The following PRKG1 variants were observed in gnomAD, a reference collection of about 807,000 sequenced individuals.
PRKG1 encodes protein kinase cGMP-dependent 1, also known as cGMP-dependent protein kinase 1.
In PRKG1, 35 loss-of-function variants were observed where a neutral mutation model predicts 88.1. The ratio of observed to expected loss-of-function variants is 0.40; its 90% CI spans 0.30 to 0.53. The LOEUF is 0.53. PRKG1 is among the 20% of genes least tolerant of loss of function. The pLI is 0.59. For synonymous variants in PRKG1, 303 were observed against 292.5 expected, an observed-to-expected ratio of 1.04 and a Z score of -0.37; for missense variants, 540 against 839.8, an observed-to-expected ratio of 0.64 and a Z score of 4.41.
chr10:52,004,249 A>G (rs1844673576), intron 5 of PRKG1, among the ~76,000 whole-genome samples: 1 of 152,148 alleles, frequency 6.6e-6, no homozygotes, highest in African/African-American at 2.4e-5. Flanking sequence ...TTTGTTTTTA[A>G]TTATATTTTC....
At chr10:52,289,701 A>C (rs1348781620) in intron 16 of PRKG1, among the ~76,000 whole-genome samples, 2 of 152,182 alleles carry the variant, frequency 1.3e-5, no homozygotes, top group African/African-American at 2.4e-5. Context: ...TTTCACAGAA[A>C]AACTGTACAC....
intron 3 of PRKG1, among the ~76,000 whole-genome samples, chr10:51,693,404 T>A (rs1841197089): frequency 7.1e-6 from 1 of 140,464 alleles, no homozygotes; most frequent in South Asian, 2.4e-4. Context: ...CACTTATTTT[T>A]AAATTCATTT....
At chr10:51,811,681 G>T (rs1301583273) in intron 4 of PRKG1, among the ~76,000 whole-genome samples, 1 of 152,098 alleles carries the variant, frequency 6.6e-6, no homozygotes, top group Admixed American at 6.6e-5. Flanking sequence ...AAATCTTCAA[G>T]GTAAAATTCC....
At chr10:51,544,594 T>A (rs1842399704) in intron 3 of PRKG1, among the ~76,000 whole-genome samples, 1 of 152,098 alleles carries the variant, frequency 6.6e-6, no homozygotes, top group South Asian at 2.1e-4. Context: ...CTGGGTCAAA[T>A]GGTATTTCTA....
chr10:51,624,378 GTTTAT>G (rs1166839199), intron 3 of PRKG1, among the ~76,000 whole-genome samples: 1 of 152,162 alleles, frequency 6.6e-6, no homozygotes, highest in Non-Finnish European at 1.5e-5. Flanking sequence ...AGATGCTTCT[GTTTAT>G]TTGGGGGCTT....
intron 3 of PRKG1, among the ~76,000 whole-genome samples, chr10:51,577,728 G>A (rs1052469603): frequency 2.0e-5 from 3 of 151,982 alleles, no homozygotes; most frequent in African/African-American, 7.2e-5. Flanking sequence ...CTGATGTCTT[G>A]GAGTTTTGTT....
intron 3 of PRKG1, among the ~76,000 whole-genome samples, chr10:51,555,960 C>T (rs1837299257): frequency 6.6e-6 from 1 of 151,446 alleles, no homozygotes; most frequent in Non-Finnish European, 1.5e-5. Context: ...CCCATTTTCT[C>T]AAGCAGGAAG....
chr10:51,554,248 T>TAA (rs1837244386), intron 3 of PRKG1, among the ~76,000 whole-genome samples: 2 of 147,364 alleles, frequency 1.4e-5, no homozygotes, highest in Non-Finnish European at 3.0e-5. Context: ...TGTATATATA[T>TAA]TATACATATA....
intron 10 of PRKG1, among the ~76,000 whole-genome samples, chr10:52,270,174 A>G (rs1490916613): frequency 6.6e-6 from 1 of 152,162 alleles, no homozygotes; most frequent in Non-Finnish European, 1.5e-5. Flanking sequence ...CAGTCTCAGC[A>G]GAGACTAGGG....
intron 4 of PRKG1, among the ~76,000 whole-genome samples, chr10:51,859,428 C>A (rs1233134924): frequency 2.7e-5 from 4 of 150,290 alleles, no homozygotes. Context: ...CTATTAAATG[C>A]CCCCTTTATG....
chr10:52,147,965 G>A (rs1837779104), intron 8 of PRKG1, among the ~76,000 whole-genome samples: 1 of 152,172 alleles, frequency 6.6e-6, no homozygotes, highest in Admixed American at 6.6e-5. Context: ...TGTATCCGGA[G>A]AGTTCAAGGA....
intron 7 of PRKG1, among the ~76,000 whole-genome samples, chr10:52,096,749 A>T (rs1263863274): frequency 6.6e-6 from 1 of 152,138 alleles, no homozygotes; most frequent in African/African-American, 2.4e-5. Flanking sequence ...ATACACATAT[A>T]ATTTTTTGTT....
intron 3 of PRKG1, among the ~76,000 whole-genome samples, chr10:51,554,074 G>A (rs1837230848): frequency 3.1e-5 from 4 of 130,882 alleles, no homozygotes; most frequent in African/African-American, 1.3e-4. Context: ...TATATTATAT[G>A]TGCGTATGTG....
chr10:52,228,480 T>A (rs138757522), intron 9 of PRKG1, among the ~76,000 whole-genome samples: 1 of 152,112 alleles, frequency 6.6e-6, no homozygotes, highest in Non-Finnish European at 1.5e-5. Context: ...CTGGGTAAAC[T>A]GATGAAATTT....
intron 5 of PRKG1, among the ~76,000 whole-genome samples, chr10:52,013,403 A>G (rs1337093246): frequency 3.5e-5 from 5 of 143,678 alleles, no homozygotes; most frequent in African/African-American, 1.3e-4. Context: ...TGGGTGACAG[A>G]GCGAGACTCC....
At chr10:50,992,031 G>A (rs1418178827) in intron 1 of PRKG1, among the ~76,000 whole-genome samples, 1 of 152,108 alleles carries the variant, frequency 6.6e-6, no homozygotes, top group African/African-American at 2.4e-5. Context: ...GCCCATCCAG[G>A]GGCCTGGAGA....
At chr10:51,157,072 C>T (rs554007589) in intron 2 of PRKG1, among the ~76,000 whole-genome samples, 18 of 151,852 alleles carry the variant, frequency 1.2e-4, no homozygotes, top group African/African-American at 2.9e-4. Context: ...GTTTGCACCC[C>T]GGGCAGTGTT....
intron 3 of PRKG1, chr10:51,699,587 G>T: frequency 6.3e-7 from 1 of 1,576,636 alleles, no homozygotes; most frequent in Non-Finnish European, 8.6e-7. Context: ...CGGATTCTTC[G>T]AGGCGTCTGT....
chr10:51,859,188 C>T (rs1170552042), intron 4 of PRKG1, among the ~76,000 whole-genome samples: 1 of 152,186 alleles, frequency 6.6e-6, no homozygotes, highest in Non-Finnish European at 1.5e-5. Context: ...TGTATTTACA[C>T]AGATGTTCGG....
Sources: gnomAD v4.1 joint callset for allele counts (sites outside exome capture counted in the v4.1 genomes callset) on GRCh38, gnomAD v4.1.1 for gene constraint, MANE v1.5 for transcripts, NCBI Gene and HGNC (gene_info 2026-07-23, HGNC 2026-07-21) for gene names.